Variants in CHD1L observed in about 807,000 individuals in gnomAD.
CHD1L encodes the protein ATP-dependent chromatin remodeler CHD1L.
In CHD1L, 118 loss-of-function variants were observed where a neutral mutation model predicts 115.9. That is an observed-to-expected ratio of 1.02 (90% CI 0.88 to 1.19). CHD1L has a LOEUF of 1.19. Among genes scored for constraint, CHD1L ranks in the 50% most tolerant of loss-of-function variants. The pLI is 0.00. For synonymous variants in CHD1L, 411 were observed against 387.1 expected (o/e 1.06, Z -0.72); for missense variants, 1,179 against 1,065.3 (o/e 1.11, Z -1.49).
the CHD1L span, chr1:147,201,423 C>T: frequency 1.2e-6 from 2 of 1,614,056 alleles, no homozygotes; most frequent in African/African-American, 2.7e-5. Flanking sequence ...TGAATTCCTT[C>T]ACATTTCCTT....
At chr1:147,201,431 C>T in the CHD1L span, 1 of 1,614,014 alleles carries the variant, frequency 6.2e-7, no homozygotes, top group Non-Finnish European at 8.5e-7. Flanking sequence ...TTCACATTTC[C>T]TTTCACTTTC....
At chr1:147,285,596 G>T in intron 17 of CHD1L, 109 bp downstream of exon 17, 5 of 1,206,850 alleles carry the variant, frequency 4.1e-6, no homozygotes, top group South Asian at 1.7e-5. Flanking sequence ...ATTTTAAGTT[G>T]GTTCCTATTG....
At chr1:147,233,455 C>A in the CHD1L span, among the ~76,000 whole-genome samples, 2 of 122,336 alleles carry the variant, frequency 1.6e-5, no homozygotes, top group African/African-American at 3.8e-5. Flanking sequence ...CCAGCCGCCC[C>A]GTCCGGGAGG....
At chr1:147,290,491 G>A (rs1685086106) in intron 19 of CHD1L, among the ~76,000 whole-genome samples, 2 of 152,208 alleles carry the variant, frequency 1.3e-5, no homozygotes, top group African/African-American at 4.8e-5. Context: ...TGGGCAGGCA[G>A]TTGATGAGCA....
chr1:147,175,942 C>A, the CHD1L span: 1 of 115,958 alleles, frequency 8.6e-6, no homozygotes, highest in Non-Finnish European at 1.6e-5. Flanking sequence ...CAGTGTTTGC[C>A]AGGACTTGGG....
At chr1:147,232,699 C>T in the CHD1L span, among the ~76,000 whole-genome samples, 1 of 152,160 alleles carries the variant, frequency 6.6e-6, no homozygotes, top group Non-Finnish European at 1.5e-5. Context: ...TGGGGTTTCG[C>T]TGTGTTGGCC....
intron 1 of CHD1L, among the ~76,000 whole-genome samples, chr1:147,244,115 C>T (rs918408402): frequency 1.3e-5 from 2 of 152,154 alleles, no homozygotes; most frequent in Non-Finnish European, 1.5e-5. Context: ...GTGGGTTTGC[C>T]TATTTCCTTG....
intron 9 of CHD1L, 81 bp from the exon 10 acceptor site, chr1:147,268,701 G>A: frequency 9.3e-7 from 1 of 1,071,414 alleles, no homozygotes; most frequent in East Asian, 2.4e-5. Flanking sequence ...ATGAGCTTTT[G>A]GCTTCTCTTC....
intron 1 of CHD1L, among the ~76,000 whole-genome samples, chr1:147,250,122 G>GT (rs1194625136): frequency 1.3e-5 from 2 of 151,646 alleles, no homozygotes; most frequent in Admixed American, 1.3e-4. Flanking sequence ...GAGGTTTCCT[G>GT]TTTTTTTCAG....
At chr1:147,233,058 G>A in the CHD1L span, among the ~76,000 whole-genome samples, 9 of 151,720 alleles carry the variant, frequency 5.9e-5, no homozygotes, top group South Asian at 2.1e-4. Context: ...AGTGAGGAGC[G>A]TCTCTGCCCG....
chr1:147,219,299 T>C, the CHD1L span, among the ~76,000 whole-genome samples: 1 of 152,228 alleles, frequency 6.6e-6, no homozygotes, highest in African/African-American at 2.4e-5. Context: ...CTGTTAGACA[T>C]GTCTCTTTTG....
chr1:147,228,008 A>AGTT, the CHD1L span, among the ~76,000 whole-genome samples: 2 of 35,750 alleles, frequency 5.6e-5, no homozygotes, highest in African/African-American at 1.8e-4. Context: ...CATGGAGGCC[A>AGTT]CTTTTTTTTT....
chr1:147,292,853 C>A (rs1389720100), intron 20 of CHD1L, among the ~76,000 whole-genome samples: 2 of 152,178 alleles, frequency 1.3e-5, no homozygotes, highest in Admixed American at 1.3e-4. Context: ...CCAATACCTC[C>A]CACTAGGCCC....
chr1:147,257,484 AAGTC>A (rs1450041344), intron 5 of CHD1L, among the ~76,000 whole-genome samples: 2 of 152,142 alleles, frequency 1.3e-5, no homozygotes, highest in African/African-American at 2.4e-5. Context: ...TATTTGTTGA[AAGTC>A]AGTCACTGGA....
At chr1:147,269,781 A>G (rs587705542) in intron 10 of CHD1L, among the ~76,000 whole-genome samples, 83 of 152,276 alleles carry the variant, frequency 5.5e-4, no homozygotes, top group African/African-American at 1.9e-3. Context: ...GAGTCTAGGA[A>G]AAGCCCAGAT....
At chr1:147,202,177 T>C in the CHD1L span, among the ~76,000 whole-genome samples, 8 of 151,874 alleles carry the variant, frequency 5.3e-5, no homozygotes, top group African/African-American at 1.7e-4. Flanking sequence ...CTTGTTATTG[T>C]TTCCTAGGGA....
chr1:147,279,279 A>AGG (rs1553960169), intron 14 of CHD1L, among the ~76,000 whole-genome samples: 2 of 152,210 alleles, frequency 1.3e-5, no homozygotes, highest in Non-Finnish European at 1.5e-5. Context: ...ACCTTGGGTC[A>AGG]GGATCTCAGA....
the CHD1L span, chr1:147,225,224 G>C: frequency 7.1e-7 from 1 of 1,405,590 alleles, no homozygotes; most frequent in East Asian, 2.6e-5. Context: ...CTGCTGGCAT[G>C]GGGGAGCCCT....
intron 14 of CHD1L, among the ~76,000 whole-genome samples, chr1:147,277,272 G>C (rs1308374902): frequency 1.3e-5 from 2 of 152,148 alleles, no homozygotes; most frequent in Non-Finnish European, 2.9e-5. Flanking sequence ...GATGGACTAG[G>C]ATTGGAAAGG....
Sources: allele counts gnomAD v4.1 joint callset (sites outside exome capture counted in the v4.1 genomes callset), GRCh38; gene constraint gnomAD v4.1.1; transcripts MANE v1.5; gene names NCBI Gene and HGNC (gene_info 2026-07-23, HGNC 2026-07-21).